The following YY1 variants were observed in gnomAD, a reference collection of about 807,000 sequenced individuals.
The protein encoded by YY1 is transcriptional repressor protein YY1.
YY1 carries 2 observed loss-of-function variants against 35.6 expected under a neutral mutation model. The ratio of observed to expected loss-of-function variants is 0.06; its 90% CI spans 0.02 to 0.18. The LOEUF (loss-of-function observed/expected upper bound fraction) is 0.18. Ranked by LOEUF, YY1 falls within the 10% of genes least tolerant of loss-of-function variation. YY1 has a pLI of 1.00. For synonymous variants in YY1, 268 were observed against 238.9 expected (o/e 1.12, Z -1.12); for missense variants, 322 against 573.4 (o/e 0.56, Z 4.48).
chr14:100,257,386 C>T (rs568465562), intron 1 of YY1, among the ~76,000 whole-genome samples: 5 of 152,246 alleles, frequency 3.3e-5, no homozygotes, highest in African/African-American at 1.2e-4. Flanking sequence ...TTCCTTTATG[C>T]CATGAGTTCA....
intron 2 of YY1, among the ~76,000 whole-genome samples, chr14:100,268,902 G>A (rs182021974): frequency 6.6e-6 from 1 of 152,242 alleles, no homozygotes; most frequent in Admixed American, 6.5e-5. Context: ...TCCCTTTCTG[G>A]GATATTTGCA....
rs1323026870 is a variant in YY1, at chr14:100,280,234, A to C, written c.*2634A>C. On this transcript the variant is annotated 3_prime_UTR_variant, in exon 5 of 5. Coordinates refer to ENST00000262238, the MANE Select transcript of YY1 (RefSeq NM_003403.5). ...TATAATTTTGCTAACGATGTAATTTACTAAGGTTTGAAATGGTATTCTAAC... is the reference window on the plus strand; with the variant it reads ...TATAATTTTGCTAACGATGTAATTTCCTAAGGTTTGAAATGGTATTCTAAC... The C allele has an allele frequency of 5.3e-5, 8 of 152,200 alleles. No individual in the cohort carries two copies. Among genetic ancestry groups the C allele is most frequent in the African/African-American group, 1.4e-4 (6 of 41,456 alleles). The allele number at this position is 152,200 out of a possible 1,614,324, so 9.4% of individuals were successfully genotyped here.
intron 1 of YY1, among the ~76,000 whole-genome samples, chr14:100,262,031 T>C (rs1891092392): frequency 6.6e-6 from 1 of 152,158 alleles, no homozygotes; most frequent in African/African-American, 2.4e-5. Context: ...CTGCCTGTAG[T>C]CCCAGCTACT....
At chr14:100,250,177 GTGACAAGT>G (rs1243491887) in intron 1 of YY1, among the ~76,000 whole-genome samples, 1 of 152,188 alleles carries the variant, frequency 6.6e-6, no homozygotes, top group Non-Finnish European at 1.5e-5. Flanking sequence ...ATTGAGAAAT[GTGACAAGT>G]TGCCAGAATG....
chr14:100,269,870 C>T (rs1051776705), intron 2 of YY1, among the ~76,000 whole-genome samples: 3 of 151,940 alleles, frequency 2.0e-5, no homozygotes, highest in Non-Finnish European at 4.4e-5. Context: ...AAAATAATAC[C>T]ACTTATAATA....
intron 1 of YY1, among the ~76,000 whole-genome samples, chr14:100,253,736 C>G (rs1182411024): frequency 1.3e-5 from 2 of 152,188 alleles, no homozygotes; most frequent in African/African-American, 4.8e-5. Context: ...ATCCGCCCAC[C>G]TCAGCCTCCC....
At chr14:100,248,494 A>G (rs1339133853) in intron 1 of YY1, among the ~76,000 whole-genome samples, 1 of 151,386 alleles carries the variant, frequency 6.6e-6, no homozygotes, top group African/African-American at 2.4e-5. Flanking sequence ...AACTCTTGAG[A>G]AAAAAAAATT....
At chr14:100,246,136 G>A (rs1052804287) in intron 1 of YY1, among the ~76,000 whole-genome samples, 3 of 152,252 alleles carry the variant, frequency 2.0e-5, no homozygotes, top group South Asian at 2.1e-4. Flanking sequence ...ATAAACTGCC[G>A]CATAGATGCC....
intron 1 of YY1, among the ~76,000 whole-genome samples, chr14:100,247,526 A>C (rs1191271564): frequency 6.6e-6 from 1 of 152,024 alleles, no homozygotes; most frequent in Non-Finnish European, 1.5e-5. Context: ...GACTACAGGC[A>C]CGCACCACCA....
chr14:100,263,194 G>A (rs187456613), intron 2 of YY1, among the ~76,000 whole-genome samples: 1 of 152,232 alleles, frequency 6.6e-6, no homozygotes, highest in Non-Finnish European at 1.5e-5. Context: ...ACAGGCATGA[G>A]CCACTGTGCC....
chr14:100,268,599 G>A (rs1203894330), intron 2 of YY1, among the ~76,000 whole-genome samples: 1 of 152,182 alleles, frequency 6.6e-6, no homozygotes, highest in Non-Finnish European at 1.5e-5. Flanking sequence ...TTAATGTATA[G>A]ATGAAATGTG....
chr14:100,247,813 C>T (rs1294223979), intron 1 of YY1, among the ~76,000 whole-genome samples: 1 of 152,196 alleles, frequency 6.6e-6, no homozygotes, highest in Non-Finnish European at 1.5e-5. Context: ...CCAGCAGCAT[C>T]ATATTTCCTC....
rs1397863470 is a variant in YY1, at chr14:100,239,483, A to C, written c.239A>C (p.His80Pro). ...HHHHHHHHHH[H>P]PPMIALQPLV... ...CACCACCACCATCACCACCACCACCACCCGCCCATGATCGCTCTGCAGCCG... is the reference window on the plus strand; with the variant it reads ...CACCACCACCATCACCACCACCACCCCCCGCCCATGATCGCTCTGCAGCCG... Residue 80 changes from histidine (H) to proline (P), a missense_variant, in exon 1 of 5, where the codon CAC becomes CCC. This residue lies in a region of YY1 where 137 missense variants were observed against 167.0 expected (regional missense o/e 0.82). Transcript: ENST00000262238. 1.2e-6 allele frequency: 2 copies of C among 1,603,000 alleles called. No homozygotes were observed. Among genetic ancestry groups the C allele is most frequent in the Non-Finnish European group, 8.5e-7 (1 of 1,177,182 alleles).
intron 1 of YY1, among the ~76,000 whole-genome samples, chr14:100,259,160 G>A (rs941145286): frequency 6.6e-6 from 1 of 152,152 alleles, no homozygotes; most frequent in South Asian, 2.1e-4. Context: ...TGAAAATTTC[G>A]GAGTACCTAT....
rs1312725618 is a variant in YY1 at position 100,262,236 on chromosome 14, T to C, written c.680-68T>C. The C allele has an allele frequency of 2.6e-6, 4 of 1,568,284 alleles. No homozygotes were observed. The African/African-American group carries it at 5.4e-5, about 21-fold the overall frequency. ...ATCACCCCATTTAAGAAGTTACTGG[T>C]GAAAGCAGTTTTTGTAGTTTTTAAA... On this transcript the variant is annotated intron_variant, in intron 1 of 4. Coordinates refer to ENST00000262238, the MANE Select transcript of YY1 (RefSeq NM_003403.5).
chr14:100,266,240 C>T (rs548822918), intron 2 of YY1, among the ~76,000 whole-genome samples: 28 of 152,066 alleles, frequency 1.8e-4, no homozygotes, highest in South Asian at 2.1e-4. Flanking sequence ...TGGGTGAGGA[C>T]GCAGCGAAAC....
At chr14:100,265,569 C>T (rs1208631340) in intron 2 of YY1, among the ~76,000 whole-genome samples, 2 of 151,966 alleles carry the variant, frequency 1.3e-5, no homozygotes, top group African/African-American at 4.8e-5. Context: ...CACCTCAAGT[C>T]CAACATGGAT....
chr14:100,244,522 A>T (rs1439397804), intron 1 of YY1, among the ~76,000 whole-genome samples: 1 of 149,678 alleles, frequency 6.7e-6, no homozygotes, highest in Non-Finnish European at 1.5e-5. Flanking sequence ...ATCTCAGGTG[A>T]TTCACCCACC....
Position 100,239,276 on chromosome 14 carries a change from C to T in YY1, c.32C>T (p.Thr11Met). The stretch of plus-strand genomic sequence containing the variant: ...TCGGGCGACACCCTCTACATCGCCA[C>T]GGACGGCTCGGAGATGCCGGCCGAG... MASGDTLYIA[T>M]DGSEMPAEIV... Residue 11 changes from threonine (T) to methionine (M), a missense_variant, in exon 1 of 5, where the codon ACG becomes ATG. Around this residue, in one of 4 missense-constraint regions of YY1, gnomAD observed 137 missense variants for 167.0 expected, o/e 0.82. Coordinates refer to ENST00000262238, the MANE Select transcript of YY1 (RefSeq NM_003403.5). The T allele has an allele frequency of 6.3e-7, 1 of 1,587,428 alleles. No individual in the cohort carries two copies. The highest frequency in any genetic ancestry group is 8.6e-7 in the Non-Finnish European group (1 of 1,169,158).
Sources: allele counts gnomAD v4.1 joint callset (sites outside exome capture counted in the v4.1 genomes callset), GRCh38; gene constraint gnomAD v4.1.1; regional missense constraint gnomAD v4.1.1; transcripts MANE v1.5; gene names NCBI Gene and HGNC (gene_info 2026-07-23, HGNC 2026-07-21).